Variants in PCSK5 observed in about 807,000 individuals in gnomAD.
The protein encoded by PCSK5 is proprotein convertase subtilisin/kexin type 5.
A neutral mutation model predicts 233.2 loss-of-function variants in PCSK5; 129 were observed. That is an observed-to-expected ratio of 0.55 (90% CI 0.48 to 0.64). The LOEUF (loss-of-function observed/expected upper bound fraction) is 0.64. Ranked by LOEUF, PCSK5 falls within the 30% of genes least tolerant of loss-of-function variation. The pLI is 0.00. For missense variants in PCSK5, 2,076 were observed against 2,430.1 expected (o/e 0.85, Z 3.06); for synonymous variants, 825 against 879.2 (o/e 0.94, Z 1.09).
At chr9:76,103,934 A>G (rs1831871124) in intron 8 of PCSK5, among the ~76,000 whole-genome samples, 1 of 152,180 alleles carries the variant, frequency 6.6e-6, no homozygotes, top group Non-Finnish European at 1.5e-5. Context: ...TTAAAGTGGA[A>G]TCTAAAGTGA....
At chr9:75,920,068 C>G (rs917028172) in intron 1 of PCSK5, among the ~76,000 whole-genome samples, 3 of 152,070 alleles carry the variant, frequency 2.0e-5, no homozygotes, top group African/African-American at 7.2e-5. Flanking sequence ...ACTTGGGAGG[C>G]TGGGGGAGGA....
intron 7 of PCSK5, among the ~76,000 whole-genome samples, chr9:76,073,126 A>C (rs1830534897): frequency 6.6e-6 from 1 of 152,178 alleles, no homozygotes; most frequent in African/African-American, 2.4e-5. Flanking sequence ...AATGATGCGA[A>C]CCACAGGGTT....
At position 75,952,778 on chromosome 9, in the gene PCSK5, C is replaced by T. The variant is rs530043785; in HGVS notation, c.297+20295C>T. 8.5e-5 allele frequency among the ~76,000 whole-genome samples: 13 copies of T among 152,270 alleles called. No homozygotes were observed. The South Asian group carries it at 2.3e-3, about 27-fold the overall frequency. On this transcript the variant is annotated intron_variant, in intron 2 of 37. Coordinates refer to ENST00000674117, the MANE Select transcript of PCSK5 (RefSeq NM_001372043.1). The stretch of plus-strand genomic sequence containing the variant: ...CATAATGCCTTTGAGATTTCATCCA[C>T]GAGGCAGTGTGTGTCAAAACTCGTT...
chr9:76,138,617 T>C (rs1479874123), intron 10 of PCSK5, among the ~76,000 whole-genome samples: 3 of 152,042 alleles, frequency 2.0e-5, no homozygotes, highest in African/African-American at 4.8e-5. Flanking sequence ...TATCTTTGGT[T>C]TGGGTGTGAA....
At chr9:76,237,644 C>A (rs1370633232) in intron 22 of PCSK5, among the ~76,000 whole-genome samples, 5 of 151,490 alleles carry the variant, frequency 3.3e-5, no homozygotes, top group African/African-American at 1.2e-4. Context: ...GGCATGGTGG[C>A]ACGCACCTGT....
rs915791311 is a variant in PCSK5 at position 76,162,745 on chromosome 9, T to A, written c.1619+3574T>A. On this transcript the variant is annotated intron_variant, in intron 12 of 37. Transcript: ENST00000674117. ...TAAAACAATGTTTCCCTAGCAGAGG[T>A]GGTTTGAGATGCAGATGTTGGCTTC... Among the ~76,000 whole-genome samples, 4 of 152,190 alleles carry A rather than the reference T, an allele frequency of 2.6e-5. No homozygotes were observed. The South Asian group carries it at 6.2e-4, about 24-fold the overall frequency.
At chr9:76,045,345 C>T (rs1297348648) in intron 5 of PCSK5, among the ~76,000 whole-genome samples, 1 of 152,152 alleles carries the variant, frequency 6.6e-6, no homozygotes, top group Non-Finnish European at 1.5e-5. Context: ...TTTCAACATT[C>T]TTATTCAAAA....
chr9:76,277,637 G>A (rs1827734866), intron 24 of PCSK5, among the ~76,000 whole-genome samples: 1 of 152,072 alleles, frequency 6.6e-6, no homozygotes, highest in African/African-American at 2.4e-5. Context: ...ATTATCCCTG[G>A]GCACCGATGA....
chr9:76,031,699 A>C (rs1587524468), intron 5 of PCSK5, among the ~76,000 whole-genome samples: 1 of 152,192 alleles, frequency 6.6e-6, no homozygotes. Context: ...AAAAAATAAT[A>C]ATAATAAAAT....
rs1202814525 is a variant in PCSK5 at position 76,331,971 on chromosome 9, A to T, written c.4571-462A>T. On this transcript the variant is annotated intron_variant, in intron 33 of 37. Transcript: ENST00000674117. ...TTGGGGATACTTCATAGGAACAGCA[A>T]TAAGAGACTAATACGGCGGTGTTTT... Among the ~76,000 whole-genome samples, 3 of 152,256 alleles carry T rather than the reference A, an allele frequency of 2.0e-5. No homozygotes were observed. In the East Asian group the frequency reaches 5.8e-4, roughly 29 times the overall value.
intron 2 of PCSK5, among the ~76,000 whole-genome samples, chr9:75,939,689 G>A (rs540600677): frequency 5.9e-5 from 9 of 152,280 alleles, no homozygotes; most frequent in Non-Finnish European, 8.8e-5. Flanking sequence ...ACCATAAACT[G>A]CCATTAAGTT....
At chr9:75,933,083 CT>C (rs1199790137) in intron 2 of PCSK5, among the ~76,000 whole-genome samples, 3 of 152,254 alleles carry the variant, frequency 2.0e-5, no homozygotes, top group Non-Finnish European at 4.4e-5. Context: ...CGACGTACCC[CT>C]GGGAGAGCCT....
chr9:76,084,734 A>G (rs1830992231), intron 7 of PCSK5, among the ~76,000 whole-genome samples: 1 of 152,216 alleles, frequency 6.6e-6, no homozygotes, highest in Non-Finnish European at 1.5e-5. Context: ...GAAAGTTGAT[A>G]GGGAGAACAG....
intron 2 of PCSK5, among the ~76,000 whole-genome samples, chr9:75,964,086 G>A (rs1396214894): frequency 6.6e-6 from 1 of 152,202 alleles, no homozygotes; most frequent in Non-Finnish European, 1.5e-5. Context: ...TCGAAGCTAT[G>A]TAGGGAGAGT....
intron 34 of PCSK5, among the ~76,000 whole-genome samples, chr9:76,337,533 G>A (rs1207355802): frequency 1.3e-5 from 2 of 151,764 alleles, no homozygotes; most frequent in Non-Finnish European, 1.5e-5. Flanking sequence ...GAGTGCAGTG[G>A]CATGATCTCG....
intron 1 of PCSK5, among the ~76,000 whole-genome samples, chr9:75,921,121 T>C (rs1823238830): frequency 6.6e-6 from 1 of 152,116 alleles, no homozygotes; most frequent in Non-Finnish European, 1.5e-5. Flanking sequence ...TCAGGGTAAA[T>C]GTTTCTGTTT....
chr9:76,216,080 G>A (rs1825518382), intron 20 of PCSK5, among the ~76,000 whole-genome samples: 1 of 152,180 alleles, frequency 6.6e-6, no homozygotes, highest in Non-Finnish European at 1.5e-5. Flanking sequence ...GAGCTACAAT[G>A]TTTCTAGCAA....
chr9:76,192,738 A>G (rs1824465717), intron 20 of PCSK5, among the ~76,000 whole-genome samples: 1 of 152,260 alleles, frequency 6.6e-6, no homozygotes, highest in African/African-American at 2.4e-5. Flanking sequence ...TTACATAAGT[A>G]TAACAAATAC....
intron 5 of PCSK5, among the ~76,000 whole-genome samples, chr9:76,058,992 G>A (rs1829928265): frequency 6.6e-6 from 1 of 151,622 alleles, no homozygotes; most frequent in Non-Finnish European, 1.5e-5. Flanking sequence ...TCCCCACACA[G>A]ACGAAAAAAA....
Sources: allele counts gnomAD v4.1 joint callset (sites outside exome capture counted in the v4.1 genomes callset), GRCh38; gene constraint gnomAD v4.1.1; transcripts MANE v1.5; gene names NCBI Gene and HGNC (gene_info 2026-07-23, HGNC 2026-07-21).